Variants in GRIK2 observed in about 807,000 individuals in gnomAD.
The protein encoded by GRIK2 is glutamate receptor ionotropic, kainate 2.
Under a neutral mutation model 100.3 loss-of-function variants are expected in GRIK2, and 32 were observed. The ratio of observed to expected loss-of-function variants is 0.32; its 90% CI spans 0.24 to 0.43. The LOEUF (loss-of-function observed/expected upper bound fraction) is 0.43. Ranked by LOEUF, GRIK2 falls within the 20% of genes least tolerant of loss-of-function variation. GRIK2 has a pLI of 1.00. For synonymous variants in GRIK2, 417 were observed against 389.4 expected (o/e 1.07, Z -0.83); for missense variants, 843 against 1,114.9 (o/e 0.76, Z 3.47).
intron 7 of GRIK2, among the ~76,000 whole-genome samples, chr6:101,739,641 C>T: frequency 6.6e-6 from 1 of 152,082 alleles, no homozygotes; most frequent in African/African-American, 2.4e-5. Flanking sequence ...TATATTTTTT[C>T]TTTAAAAAAT....
intron 2 of GRIK2, among the ~76,000 whole-genome samples, chr6:101,505,790 A>AAC (rs1293820002): frequency 6.6e-6 from 1 of 151,824 alleles, no homozygotes; most frequent in Non-Finnish European, 1.5e-5. Flanking sequence ...AAAAAAAAAA[A>AAC]AACTAGAAAT....
At chr6:101,975,801 A>ATCTGTCTGTCTG (rs71547439) in intron 14 of GRIK2, among the ~76,000 whole-genome samples, 287 of 101,090 alleles carry the variant, frequency 2.8e-3, no homozygotes, top group Admixed American at 5.4e-3. Context: ...CTGTCTATCT[A>ATCTGTCTGTCTG]TCTATCTGTC....
At chr6:101,462,550 T>G (rs1214587468) in intron 2 of GRIK2, among the ~76,000 whole-genome samples, 1 of 152,184 alleles carries the variant, frequency 6.6e-6, no homozygotes, top group African/African-American at 2.4e-5. Context: ...CTTAAAAAAA[T>G]TATAGGTACA....
intron 10 of GRIK2, among the ~76,000 whole-genome samples, chr6:101,855,329 A>G (rs1322963960): frequency 6.6e-6 from 1 of 152,186 alleles, no homozygotes; most frequent in Admixed American, 6.5e-5. Flanking sequence ...AATTGCACAT[A>G]CATCAAAAGA....
chr6:101,917,292 G>A (rs2791790), intron 12 of GRIK2, among the ~76,000 whole-genome samples: 142,189 of 151,736 alleles, frequency 0.94, 66,661 homozygotes, highest in Middle Eastern at 0.97. Context: ...CCATTTCCAC[G>A]TTCTGCTTCT....
intron 4 of GRIK2, among the ~76,000 whole-genome samples, 154 bp from the exon 5 acceptor site, chr6:101,676,469 C>T (rs1770849398): frequency 6.6e-6 from 1 of 152,056 alleles, no homozygotes; most frequent in Non-Finnish European, 1.5e-5. Flanking sequence ...ATCAAACTAT[C>T]TCATGTAGTT....
chr6:101,963,843 C>G (rs901977817), intron 14 of GRIK2, among the ~76,000 whole-genome samples: 3 of 151,856 alleles, frequency 2.0e-5, no homozygotes, highest in African/African-American at 7.3e-5. Context: ...ATAAAATTTC[C>G]ATTATTTCAG....
At chr6:101,643,084 G>C (rs1781357256) in intron 4 of GRIK2, among the ~76,000 whole-genome samples, 1 of 151,418 alleles carries the variant, frequency 6.6e-6, no homozygotes, top group Non-Finnish European at 1.5e-5. Flanking sequence ...TGATTCATTG[G>C]TTGTTGAGTT....
chr6:101,810,762 TTAAC>T (rs1467406396), intron 9 of GRIK2, among the ~76,000 whole-genome samples: 3 of 152,156 alleles, frequency 2.0e-5, no homozygotes, highest in Admixed American at 1.3e-4. Flanking sequence ...TACTTTTCAT[TTAAC>T]TATTCATCAT....
At chr6:101,504,926 A>G (rs1486494697) in intron 2 of GRIK2, among the ~76,000 whole-genome samples, 1 of 152,062 alleles carries the variant, frequency 6.6e-6, no homozygotes, top group Non-Finnish European at 1.5e-5. Flanking sequence ...TATTTTTTGT[A>G]AGTCAGATAT....
intron 2 of GRIK2, among the ~76,000 whole-genome samples, chr6:101,411,466 C>T (rs1775879539): frequency 6.6e-6 from 1 of 152,118 alleles, no homozygotes; most frequent in East Asian, 1.9e-4. Context: ...CTGCATAGTT[C>T]TATGTGGTGG....
chr6:102,046,143 T>A (rs535343432), intron 15 of GRIK2, among the ~76,000 whole-genome samples: 2 of 152,172 alleles, frequency 1.3e-5, no homozygotes, highest in South Asian at 4.1e-4. Flanking sequence ...GACATAATAA[T>A]TGTAAATATA....
intron 2 of GRIK2, among the ~76,000 whole-genome samples, chr6:101,416,985 G>A (rs529063243): frequency 1.3e-5 from 2 of 152,270 alleles, no homozygotes; most frequent in East Asian, 3.9e-4. Context: ...GTGCTAGTCT[G>A]TTCTCATGCT....
chr6:101,759,326 T>TA (rs979070266), intron 7 of GRIK2, among the ~76,000 whole-genome samples: 3 of 152,232 alleles, frequency 2.0e-5, no homozygotes, highest in African/African-American at 7.2e-5. Flanking sequence ...TGCTATTTTT[T>TA]ATTTTCCTTT....
intron 7 of GRIK2, among the ~76,000 whole-genome samples, chr6:101,765,967 A>C (rs1778023232): frequency 6.6e-6 from 1 of 152,180 alleles, no homozygotes. Flanking sequence ...CTAAATTTAA[A>C]AAATGTTGCA....
At chr6:102,055,665 A>C (rs1771428725) in intron 16 of GRIK2, 85 bp downstream of exon 16, 1 of 862,572 alleles carries the variant, frequency 1.2e-6, no homozygotes, top group African/African-American at 1.7e-5. Context: ...TTATGTTACC[A>C]ACTAATGATA....
At chr6:101,892,065 T>C (rs1787136662) in intron 12 of GRIK2, among the ~76,000 whole-genome samples, 1 of 151,496 alleles carries the variant, frequency 6.6e-6, no homozygotes, top group African/African-American at 2.4e-5. Flanking sequence ...TGTACCCTTG[T>C]TTTTTTTTAA....
intron 14 of GRIK2, among the ~76,000 whole-genome samples, chr6:101,960,622 G>T (rs1792238669): frequency 6.6e-6 from 1 of 152,062 alleles, no homozygotes; most frequent in African/African-American, 2.4e-5. Flanking sequence ...GATAACCTTG[G>T]TTATAAATAC....
At chr6:101,576,070 ATAT>A in intron 2 of GRIK2, among the ~76,000 whole-genome samples, 1 of 152,154 alleles carries the variant, frequency 6.6e-6, no homozygotes, top group South Asian at 2.1e-4. Context: ...TTATATTATC[ATAT>A]TATGATATAT....
Sources: allele counts gnomAD v4.1 joint callset (sites outside exome capture counted in the v4.1 genomes callset), GRCh38; gene constraint gnomAD v4.1.1; transcripts MANE v1.5; gene names NCBI Gene and HGNC (gene_info 2026-07-23, HGNC 2026-07-21).